Variants in SLC6A6 observed in about 807,000 individuals in gnomAD.
SLC6A6 encodes sodium- and chloride-dependent taurine transporter.
A neutral mutation model predicts 68.8 loss-of-function variants in SLC6A6; 16 were observed. The ratio of observed to expected loss-of-function variants is 0.23; its 90% CI spans 0.16 to 0.35. The LOEUF (loss-of-function observed/expected upper bound fraction) is 0.35, where lower values mean the gene tolerates loss of function less well. Ranked by LOEUF, SLC6A6 falls within the 10% of genes least tolerant of loss-of-function variation. The pLI is 1.00. For synonymous variants in SLC6A6, 312 were observed against 315.4 expected, an observed-to-expected ratio of 0.99 and a Z score of 0.12; for missense variants, 474 against 802.8, an observed-to-expected ratio of 0.59 and a Z score of 4.95.
At chr3:14,435,594 A>G (rs902838102) in intron 2 of SLC6A6, among the ~76,000 whole-genome samples, 3 of 152,242 alleles carry the variant, frequency 2.0e-5, no homozygotes, top group Admixed American at 6.5e-5. Context: ...TCACCGGGAC[A>G]AGCCATCAGG....
intron 1 of SLC6A6, 80 bp from the exon 2 acceptor site, chr3:14,416,332 T>G (rs919828141): frequency 7.5e-6 from 3 of 398,326 alleles, no homozygotes; most frequent in African/African-American, 6.2e-5. Flanking sequence ...TACAAGTGGG[T>G]GGACAATTAG....
rs1457225914 is a variant in SLC6A6, at chr3:14,487,627, G to T, written c.*2620G>T. The T allele has an allele frequency of 1.3e-5, 2 of 152,172 alleles. No homozygotes were observed. Among genetic ancestry groups the T allele is most frequent in the Non-Finnish European group, 2.9e-5 (2 of 68,078 alleles). The allele number at this position is 152,172 out of a possible 1,614,324, so 9.4% of individuals were successfully genotyped here. On this transcript the variant is annotated 3_prime_UTR_variant, in exon 15 of 15. Transcript: ENST00000622186. ...AATCAATTTTTTAAGATGAAGAAGT[G>T]GGAGACACTGCGTTGAGATGGGCCA...
chr3:14,440,430 C>T (rs999476362), intron 2 of SLC6A6, among the ~76,000 whole-genome samples: 6 of 152,024 alleles, frequency 3.9e-5, no homozygotes, highest in East Asian at 3.9e-4. Flanking sequence ...CTGTGTGGCC[C>T]GTGTCCCAAG....
chr3:14,417,357 A>G (rs1699383508), intron 2 of SLC6A6, among the ~76,000 whole-genome samples: 1 of 152,146 alleles, frequency 6.6e-6, no homozygotes, highest in Non-Finnish European at 1.5e-5. Context: ...TCACGTGAAC[A>G]TTCTTCCATT....
chr3:14,415,530 T>A (rs1699343828), intron 1 of SLC6A6, among the ~76,000 whole-genome samples: 1 of 152,182 alleles, frequency 6.6e-6, no homozygotes, highest in African/African-American at 2.4e-5. Context: ...TGATCCCAGT[T>A]TAACAGTTCA....
At position 14,464,358 on chromosome 3, in the gene SLC6A6, A is replaced by G. The variant is rs553694673; in HGVS notation, c.733-2158A>G. The stretch of plus-strand genomic sequence containing the variant: ...CCACGTGACCCTGGGCAAGTGATGG[A>G]CTCTCTCTGGGCCTCAGTTTTATTG... On this transcript the variant is annotated intron_variant, in intron 6 of 14. Coordinates refer to ENST00000622186, the MANE Select transcript of SLC6A6 (RefSeq NM_003043.6). 6.8e-4 allele frequency among the ~76,000 whole-genome samples: 104 copies of G among 152,002 alleles called. 3 individuals are homozygous for G. In the South Asian group the frequency reaches 0.021, roughly 31 times the overall value.
intron 2 of SLC6A6, among the ~76,000 whole-genome samples, chr3:14,436,165 T>C (rs1266219449): frequency 6.6e-6 from 1 of 152,204 alleles, no homozygotes; most frequent in Non-Finnish European, 1.5e-5. Flanking sequence ...GCTACTCCAC[T>C]TAGAGTGATG....
rs927017804 is a variant in SLC6A6, at chr3:14,472,617, G to T, written c.1209+300G>T. On this transcript the variant is annotated intron_variant, in intron 10 of 14. Transcript: ENST00000622186. The surrounding 1 kb of genome is among the most constrained non-coding windows in gnomAD (Gnocchi z 4.5). The stretch of plus-strand genomic sequence containing the variant: ...TCTCGGAGTGGGTGGGTTATGACAG[G>T]GACAACCAGGGTTTGTGGTTACAGT... Among the ~76,000 whole-genome samples the T allele has an allele frequency of 1.3e-5, 2 of 152,316 alleles. No individual in the cohort carries two copies. Among genetic ancestry groups the T allele is most frequent in the African/African-American group, 4.8e-5 (2 of 41,572 alleles).
rs73815263 is a variant in SLC6A6, at chr3:14,418,612, A to C, written c.-12+2159A>C. ...ACCGCTTCCTGGACTCAGCATGCTC[A>C]TATACTGCCGAGAGGTTTACTGTGT... On this transcript the variant is annotated intron_variant, in intron 2 of 14. Coordinates refer to ENST00000622186, the MANE Select transcript of SLC6A6 (RefSeq NM_003043.6). Among the ~76,000 whole-genome samples the C allele has an allele frequency of 2.4e-3, 360 of 152,304 alleles. 2 individuals are homozygous for C. Among genetic ancestry groups the C allele is most frequent in the Admixed American group, 7.6e-3 (117 of 15,306 alleles).
Position 14,481,643 on chromosome 3 carries a change from T to C in SLC6A6, c.1552-28T>C. 143 of 1,169,500 alleles carry C rather than the reference T, an allele frequency of 1.2e-4. No homozygotes were observed. The highest frequency in any genetic ancestry group is 3.0e-4 in the Admixed American group (14 of 47,236). 72.4% of individuals were successfully genotyped at this position (1,169,500 alleles called of 1,614,324 possible). ...CCCACCCCCCGATGCCCAGGACCCCTCTCCTGACTGCCCCCATCTCTCCGC... is the reference window on the plus strand; with the variant it reads ...CCCACCCCCCGATGCCCAGGACCCCCCTCCTGACTGCCCCCATCTCTCCGC... On this transcript the variant is annotated intron_variant, in intron 13 of 14. Transcript: ENST00000622186. This position sits in a 1 kb window ranked among gnomAD's most constrained non-coding sequence, Gnocchi z 4.7.
chr3:14,443,890 G>A (rs775262242), intron 3 of SLC6A6, 27 bp downstream of exon 3: 1 of 1,523,204 alleles, frequency 6.6e-7, no homozygotes, highest in Non-Finnish European at 9.1e-7. Flanking sequence ...CCACAGGGGA[G>A]CCCATCCAGT....
At chr3:14,425,387 C>A (rs1200323604) in intron 2 of SLC6A6, among the ~76,000 whole-genome samples, 1 of 152,146 alleles carries the variant, frequency 6.6e-6, no homozygotes, top group Non-Finnish European at 1.5e-5. Flanking sequence ...GAATACAGAG[C>A]CCAAGCAGCA....
chr3:14,445,410 G>C (rs1214068523), intron 3 of SLC6A6, among the ~76,000 whole-genome samples: 1 of 147,216 alleles, frequency 6.8e-6, no homozygotes, highest in African/African-American at 2.5e-5. Flanking sequence ...GACAGAGCAA[G>C]ACTCCACCTC....
At chr3:14,441,557 C>G (rs1007486469) in intron 2 of SLC6A6, among the ~76,000 whole-genome samples, 8 of 152,214 alleles carry the variant, frequency 5.3e-5, no homozygotes, top group African/African-American at 1.9e-4. Context: ...GATAGTGAAA[C>G]AATTGGGGTC....
At chr3:14,447,315 T>C (rs2124950865) in intron 4 of SLC6A6, among the ~76,000 whole-genome samples, 1 of 152,288 alleles carries the variant, frequency 6.6e-6, no homozygotes, top group South Asian at 2.1e-4. Flanking sequence ...TTATTATCTA[T>C]CTTTTCATCC....
intron 5 of SLC6A6, among the ~76,000 whole-genome samples, chr3:14,456,611 C>T (rs1037575554): frequency 6.6e-6 from 1 of 152,172 alleles, no homozygotes; most frequent in Non-Finnish European, 1.5e-5. Flanking sequence ...GTGTGTGTTC[C>T]GAGAACCAGA....
At chr3:14,404,313 C>T (rs1276717021) in intron 1 of SLC6A6, among the ~76,000 whole-genome samples, 1 of 151,902 alleles carries the variant, frequency 6.6e-6, no homozygotes, top group South Asian at 2.1e-4. Context: ...AGGGAGTCAC[C>T]CAGGGATTGT....
intron 1 of SLC6A6, among the ~76,000 whole-genome samples, chr3:14,406,995 T>G (rs1699123834): frequency 6.6e-6 from 1 of 152,086 alleles, no homozygotes; most frequent in Non-Finnish European, 1.5e-5. Context: ...CTGGACATAC[T>G]GAATCAGAAC....
intron 2 of SLC6A6, among the ~76,000 whole-genome samples, chr3:14,442,640 T>C (rs1044787526): frequency 1.3e-5 from 2 of 152,120 alleles, no homozygotes; most frequent in Non-Finnish European, 2.9e-5. Flanking sequence ...TTGGGGACCT[T>C]AGGAAGTACA....
Sources: gnomAD v4.1 joint callset for allele counts (sites outside exome capture counted in the v4.1 genomes callset) on GRCh38, gnomAD v4.1.1 for gene constraint, Gnocchi (gnomAD v3.1) non-coding constraint, MANE v1.5 for transcripts, NCBI Gene and HGNC (gene_info 2026-07-23, HGNC 2026-07-21) for gene names.